Variants in TMEM74 observed in about 807,000 individuals in gnomAD.
The protein encoded by TMEM74 is transmembrane protein 74.
A neutral mutation model predicts 18.1 loss-of-function variants in TMEM74; 13 were observed. The observed-to-expected ratio is 0.72, with a 90% CI of 0.47 to 1.14. The LOEUF (loss-of-function observed/expected upper bound fraction) is 1.14, where lower values mean the gene tolerates loss of function less well. TMEM74 is among the 50% of genes most tolerant of loss of function. TMEM74 has a pLI of 0.00. For synonymous variants in TMEM74, 159 were observed against 146.6 expected, an observed-to-expected ratio of 1.08 and a Z score of -0.61; for missense variants, 372 against 375.9, an observed-to-expected ratio of 0.99 and a Z score of 0.09.
intron 1 of TMEM74, among the ~76,000 whole-genome samples, chr8:108,668,186 G>C (rs879549849): frequency 2.6e-5 from 4 of 152,050 alleles, no homozygotes; most frequent in Admixed American, 6.6e-5. Context: ...CATCTCCTCA[G>C]TATGTTCATA....
intron 1 of TMEM74, among the ~76,000 whole-genome samples, chr8:108,769,303 G>T (rs749259164): frequency 6.6e-6 from 1 of 151,950 alleles, no homozygotes; most frequent in Non-Finnish European, 1.5e-5. Context: ...CTCCAGCCTG[G>T]GTGACAGAAC....
intron 1 of TMEM74, among the ~76,000 whole-genome samples, chr8:108,695,411 T>C (rs1007673479): frequency 1.3e-5 from 2 of 152,178 alleles, no homozygotes; most frequent in Non-Finnish European, 2.9e-5. Context: ...GTGTGAGAAG[T>C]ATTTTGCAAG....
intron 2 of TMEM74, among the ~76,000 whole-genome samples, chr8:108,645,153 C>G (rs1056226192): frequency 6.6e-6 from 1 of 152,066 alleles, no homozygotes; most frequent in Non-Finnish European, 1.5e-5. Flanking sequence ...GCATATACAC[C>G]ATGGAATACT....
intron 1 of TMEM74, among the ~76,000 whole-genome samples, chr8:108,749,182 T>C (rs574764586): frequency 1.8e-4 from 28 of 152,216 alleles, no homozygotes; most frequent in Admixed American, 6.5e-4. Flanking sequence ...TTTCTAATTC[T>C]GTGAAGAATG....
intron 1 of TMEM74, among the ~76,000 whole-genome samples, chr8:108,713,053 C>T (rs959901299): frequency 5.3e-5 from 8 of 152,216 alleles, no homozygotes; most frequent in African/African-American, 7.2e-5. Flanking sequence ...GAGTTATTGA[C>T]GATGTTATTG....
intron 1 of TMEM74, among the ~76,000 whole-genome samples, chr8:108,694,688 C>T (rs1211835247): frequency 6.6e-6 from 1 of 152,210 alleles, no homozygotes; most frequent in Non-Finnish European, 1.5e-5. Flanking sequence ...TGCATACATA[C>T]ATACACATAT....
At chr8:108,668,951 C>A (rs1011104004) in intron 1 of TMEM74, among the ~76,000 whole-genome samples, 2 of 152,072 alleles carry the variant, frequency 1.3e-5, no homozygotes, top group Admixed American at 6.6e-5. Flanking sequence ...GCAGTTACAA[C>A]ATTAATCCAG....
chr8:108,610,922 T>A (rs1434774960), intron 2 of TMEM74, among the ~76,000 whole-genome samples: 2 of 152,226 alleles, frequency 1.3e-5, no homozygotes, highest in African/African-American at 2.4e-5. Flanking sequence ...TCACTCTGCC[T>A]CATTTACAGA....
intron 1 of TMEM74, among the ~76,000 whole-genome samples, chr8:108,656,258 T>C (rs536655211): frequency 1.6e-4 from 25 of 152,184 alleles, no homozygotes; most frequent in African/African-American, 5.5e-4. Flanking sequence ...ATCTTAGTGG[T>C]AAAGGTTGTA....
chr8:108,749,464 T>C (rs1473872439), intron 1 of TMEM74, among the ~76,000 whole-genome samples: 1 of 152,164 alleles, frequency 6.6e-6, no homozygotes, highest in Non-Finnish European at 1.5e-5. Flanking sequence ...CTGTTGTTGG[T>C]GTACAGTGAT....
intron 1 of TMEM74, among the ~76,000 whole-genome samples, chr8:108,720,745 T>A (rs1235176861): frequency 9.8e-6 from 1 of 102,508 alleles, no homozygotes; most frequent in Non-Finnish European, 2.2e-5. Context: ...TTTATTTATT[T>A]ATTTATTTAT....
In TMEM74 at chr8:108,716,136, T is replaced by C. The variant is rs565349069; in HGVS notation, n.120-60699A>G. Among the ~76,000 whole-genome samples the C allele has an allele frequency of 7.4e-4, 112 of 152,258 alleles. 1 individual carries two copies. Among genetic ancestry groups the C allele is most frequent in the Non-Finnish European group, 1.2e-3 (80 of 67,958 alleles). ...TTTGACAAAAAACTGCAATGTAGAATGCTTAAATATAGTAATTACTAAGAG... is the reference window on the plus strand; with the variant it reads ...TTTGACAAAAAACTGCAATGTAGAACGCTTAAATATAGTAATTACTAAGAG... On this transcript the variant is annotated intron_variant and non_coding_transcript_variant, in intron 1 of 3. Coordinates refer to the TMEM74 transcript ENST00000518838.
chr8:108,634,166 A>T (rs191961710), intron 2 of TMEM74, among the ~76,000 whole-genome samples: 1 of 152,038 alleles, frequency 6.6e-6, no homozygotes, highest in Admixed American at 6.6e-5. Flanking sequence ...TGGCCATATG[A>T]CTTAACATTC....
chr8:108,728,103 G>T (rs1320516507), intron 1 of TMEM74, among the ~76,000 whole-genome samples: 1 of 152,196 alleles, frequency 6.6e-6, no homozygotes, highest in African/African-American at 2.4e-5. Context: ...AGAAGAAAGG[G>T]ATAATTGGAA....
chr8:108,671,782 G>A (rs1409461039), intron 1 of TMEM74, among the ~76,000 whole-genome samples: 1 of 152,160 alleles, frequency 6.6e-6, no homozygotes, highest in East Asian at 1.9e-4. Flanking sequence ...AAAAGTAAGA[G>A]AGAAATATAT....
chr8:108,761,034 T>C (rs1814037921), intron 1 of TMEM74, among the ~76,000 whole-genome samples: 1 of 151,914 alleles, frequency 6.6e-6, no homozygotes, highest in Non-Finnish European at 1.5e-5. Flanking sequence ...CCCTCTATTT[T>C]TCCCTTGCAA....
At chr8:108,704,046 G>C (rs1813365153) in intron 1 of TMEM74, among the ~76,000 whole-genome samples, 1 of 152,180 alleles carries the variant, frequency 6.6e-6, no homozygotes, top group Non-Finnish European at 1.5e-5. Flanking sequence ...AATTCTTACA[G>C]TTCATGGAAA....
chr8:108,772,784 C>A (rs1376205505), intron 1 of TMEM74, among the ~76,000 whole-genome samples: 11 of 152,024 alleles, frequency 7.2e-5, no homozygotes, highest in Non-Finnish European at 1.5e-5. Flanking sequence ...ATTTGAATCC[C>A]AATTCTGCCA....
At chr8:108,618,370 T>C (rs1586235507) in intron 2 of TMEM74, among the ~76,000 whole-genome samples, 1 of 152,166 alleles carries the variant, frequency 6.6e-6, no homozygotes, top group East Asian at 1.9e-4. Context: ...TGCTTGAGGC[T>C]GGTTTTGGAA....
Sources: allele counts gnomAD v4.1 joint callset (sites outside exome capture counted in the v4.1 genomes callset), GRCh38; gene constraint gnomAD v4.1.1; transcripts MANE v1.5; gene names NCBI Gene and HGNC (gene_info 2026-07-23, HGNC 2026-07-21).